The following ST7 variants were observed in gnomAD, a reference collection of about 807,000 sequenced individuals.
ST7 encodes the protein suppressor of tumorigenicity 7 protein.
A neutral mutation model predicts 78.7 loss-of-function variants in ST7; 28 were observed. That is an observed-to-expected ratio of 0.36 (90% confidence interval 0.26 to 0.49). The LOEUF (loss-of-function observed/expected upper bound fraction) is 0.49. Ranked by LOEUF, ST7 falls within the 20% of genes least tolerant of loss-of-function variation. The pLI, the probability that ST7 is intolerant of heterozygous loss-of-function variation, is 0.99. For missense variants in ST7, 418 were observed against 696.0 expected, an observed-to-expected ratio of 0.60 and a Z score of 4.49; for synonymous variants, 247 against 249.6, an observed-to-expected ratio of 0.99 and a Z score of 0.10.
At chr7:117,205,727 T>C (rs1034737842) in intron 12 of ST7, among the ~76,000 whole-genome samples, 2 of 152,190 alleles carry the variant, frequency 1.3e-5, no homozygotes, top group African/African-American at 4.8e-5. Flanking sequence ...ATGCCCTGAC[T>C]TTGGATGCTC....
intron 10 of ST7, 113 bp downstream of exon 10, chr7:117,171,089 A>G (rs1807954461): frequency 1.9e-6 from 1 of 530,664 alleles, no homozygotes; most frequent in African/African-American, 2.0e-5. Flanking sequence ...CCATACTCTT[A>G]TAGAATTTTC....
chr7:117,178,695 T>A (rs1207314616), intron 10 of ST7, among the ~76,000 whole-genome samples: 1 of 152,232 alleles, frequency 6.6e-6, no homozygotes, highest in African/African-American at 2.4e-5. Context: ...TGATTGTTAT[T>A]ACTGGGAGAT....
chr7:117,050,160 A>AGCT (rs1446366948), intron 1 of ST7, among the ~76,000 whole-genome samples: 1 of 151,300 alleles, frequency 6.6e-6, no homozygotes, highest in Non-Finnish European at 1.5e-5. Flanking sequence ...GGTTGCAGTG[A>AGCT]GCTGAGATTG....
intron 1 of ST7, among the ~76,000 whole-genome samples, chr7:117,049,773 C>G (rs887737232): frequency 1.3e-5 from 2 of 152,196 alleles, no homozygotes; most frequent in African/African-American, 4.8e-5. Context: ...AGTCACATAT[C>G]AAGCAGTTCA....
chr7:117,200,571 C>T (rs1306174452), intron 12 of ST7, among the ~76,000 whole-genome samples: 1 of 152,126 alleles, frequency 6.6e-6, no homozygotes, highest in Non-Finnish European at 1.5e-5. Context: ...ACTGTGCCCG[C>T]CCAAGAGGTA....
At chr7:117,124,607 G>A (rs947039655) in intron 3 of ST7, among the ~76,000 whole-genome samples, 5 of 152,240 alleles carry the variant, frequency 3.3e-5, no homozygotes, top group Admixed American at 6.5e-5. Flanking sequence ...CTTACTGTAG[G>A]AACAGTTCAG....
At chr7:117,099,553 G>C (rs1801409822) in intron 1 of ST7, among the ~76,000 whole-genome samples, 1 of 152,094 alleles carries the variant, frequency 6.6e-6, no homozygotes, top group Admixed American at 6.6e-5. Context: ...CTTGTATGTA[G>C]CTTTTTTCTT....
rs776853279 is a variant in ST7, at chr7:116,953,521, G to A, written c.-20G>A. 42 of 1,337,720 alleles carry A rather than the reference G, an allele frequency of 3.1e-5. No individual in the cohort carries two copies. The highest frequency in any genetic ancestry group is 3.9e-5 in the Non-Finnish European group (40 of 1,018,508). 82.9% of individuals were successfully genotyped at this position (1,337,720 alleles called of 1,614,324 possible). On this transcript the variant is annotated 5_prime_UTR_variant, in exon 1 of 16. Transcript: ENST00000323984. ...CCGGCAGACACCAAGAGCCGCGGCAGCAGAGAGGAGCGCTGAAACATGGCT... is the reference window on the plus strand; with the variant it reads ...CCGGCAGACACCAAGAGCCGCGGCAACAGAGAGGAGCGCTGAAACATGGCT...
chr7:117,063,210 A>G (rs1419611424), intron 1 of ST7, among the ~76,000 whole-genome samples: 1 of 152,240 alleles, frequency 6.6e-6, no homozygotes, highest in African/African-American at 2.4e-5. Context: ...ACAGAATTAA[A>G]TTAGAAATCT....
intron 1 of ST7, among the ~76,000 whole-genome samples, chr7:117,069,836 G>C (rs1437195466): frequency 6.6e-6 from 1 of 152,196 alleles, no homozygotes; most frequent in East Asian, 1.9e-4. Flanking sequence ...TAGAGACAGA[G>C]ATAGGAACGG....
intron 9 of ST7, among the ~76,000 whole-genome samples, chr7:117,141,185 A>G (rs555949211): frequency 1.2e-4 from 19 of 152,332 alleles, no homozygotes; most frequent in African/African-American, 3.8e-4. Flanking sequence ...TTATTAAGAC[A>G]CAGCCATCTT....
chr7:117,205,469 A>C (rs1791665382), intron 12 of ST7, among the ~76,000 whole-genome samples: 1 of 152,214 alleles, frequency 6.6e-6, no homozygotes, highest in Non-Finnish European at 1.5e-5. Context: ...TCCCGAAAAA[A>C]TAGTTGTATG....
chr7:117,086,644 T>C (rs1471514033), intron 1 of ST7, among the ~76,000 whole-genome samples: 1 of 152,134 alleles, frequency 6.6e-6, no homozygotes, highest in East Asian at 1.9e-4. Flanking sequence ...AAAAAGCACC[T>C]GGAATTTAGA....
At chr7:117,079,080 A>G (rs1419735586) in intron 1 of ST7, among the ~76,000 whole-genome samples, 1 of 152,192 alleles carries the variant, frequency 6.6e-6, no homozygotes, top group Non-Finnish European at 1.5e-5. Context: ...TATTGAAAAT[A>G]ATATTCTGAA....
At chr7:117,162,837 C>T (rs1807261755) in intron 9 of ST7, among the ~76,000 whole-genome samples, 1 of 152,136 alleles carries the variant, frequency 6.6e-6, no homozygotes, top group Non-Finnish European at 1.5e-5. Flanking sequence ...TAACTGTAGT[C>T]ATCCTACACT....
chr7:117,051,996 A>C (rs1286368060), intron 1 of ST7, among the ~76,000 whole-genome samples: 1 of 152,206 alleles, frequency 6.6e-6, no homozygotes, highest in Non-Finnish European at 1.5e-5. Flanking sequence ...TTACCAAAAT[A>C]AAAGCTTTTC....
At chr7:117,206,105 A>G (rs1359639347) in intron 12 of ST7, among the ~76,000 whole-genome samples, 1 of 152,234 alleles carries the variant, frequency 6.6e-6, no homozygotes, top group Non-Finnish European at 1.5e-5. Context: ...CATTGTTGTT[A>G]TTAGCCTTCA....
intron 15 of ST7, among the ~76,000 whole-genome samples, chr7:117,228,839 C>T (rs953270167): frequency 6.6e-6 from 1 of 152,078 alleles, no homozygotes; most frequent in Non-Finnish European, 1.5e-5. Context: ...ACAAAGGGCT[C>T]CATGGTACAA....
intron 1 of ST7, among the ~76,000 whole-genome samples, chr7:117,059,060 C>T (rs768499113): frequency 8.6e-5 from 13 of 151,906 alleles, no homozygotes; most frequent in Non-Finnish European, 1.6e-4. Context: ...GGTGGGGACA[C>T]GGGGATGTGG....
Sources: allele counts gnomAD v4.1 joint callset (sites outside exome capture counted in the v4.1 genomes callset), GRCh38; gene constraint gnomAD v4.1.1; transcripts MANE v1.5; gene names NCBI Gene and HGNC (gene_info 2026-07-23, HGNC 2026-07-21).